The following EDA variants were observed in gnomAD, a reference collection of about 807,000 sequenced individuals.
EDA encodes the protein ectodysplasin A, also known as ectodysplasin-A.
Under a neutral mutation model 23.6 loss-of-function variants are expected in EDA, and 2 were observed. That is an observed-to-expected ratio of 0.08 (90% CI 0.03 to 0.27). EDA has a LOEUF of 0.27. Ranked by LOEUF, EDA falls within the 10% of genes least tolerant of loss-of-function variation. EDA has a pLI of 1.00. For missense variants in EDA, 229 were observed against 324.2 expected, an observed-to-expected ratio of 0.71 and a Z score of 2.26; for synonymous variants, 131 against 132.0, an observed-to-expected ratio of 0.99 and a Z score of 0.05.
At chrX:69,681,463 C>G (rs1319845735) in intron 1 of EDA, among the ~76,000 whole-genome samples, 1 of 111,535 alleles carries the variant, frequency 9.0e-6, no homozygotes. Flanking sequence ...GTACACCAAT[C>G]AGATGTAGAT....
chrX:69,719,129 A>C (rs1274245624), intron 1 of EDA, among the ~76,000 whole-genome samples: 1 of 110,553 alleles, frequency 9.0e-6, no homozygotes, highest in Non-Finnish European at 1.9e-5. Context: ...TGGTTGTAGG[A>C]TCTAGTGATA....
chrX:69,928,256 A>T (rs1389963018), intron 1 of EDA, among the ~76,000 whole-genome samples: 1 of 111,640 alleles, frequency 9.0e-6, no homozygotes. Context: ...GTCAATTCTG[A>T]AAAGACTCTC....
At chrX:69,662,534 A>G (rs1035889301) in intron 1 of EDA, among the ~76,000 whole-genome samples, 13 of 112,380 alleles carry the variant, frequency 1.2e-4, no homozygotes, top group African/African-American at 3.9e-4. Flanking sequence ...TAAATTACCC[A>G]GTCTCAGATA....
At chrX:69,801,176 A>G (rs1413885947) in intron 1 of EDA, among the ~76,000 whole-genome samples, 1 of 111,402 alleles carries the variant, frequency 9.0e-6, no homozygotes, top group Admixed American at 9.6e-5. Context: ...ATGAGTTTGG[A>G]GTAGGGAAAC....
At position 69,978,514 on chromosome X, in the gene EDA, A is replaced by AT. The variant is rs1191983327; in HGVS notation, c.502+21382_502+21383insT. Among the ~76,000 whole-genome samples, 7 of 103,349 alleles carry AT rather than the reference A, an allele frequency of 6.8e-5. No homozygotes were observed. The East Asian group carries it at 2.2e-3, about 32-fold the overall frequency. 89.7% of individuals were successfully genotyped at this position (103,349 alleles called of 115,157 possible). A position where few individuals can be genotyped will look rare whatever the true frequency, so the allele number is the denominator to read the frequency against. On this transcript the variant is annotated intron_variant, in intron 2 of 7. Coordinates refer to ENST00000374552, the MANE Select transcript of EDA (RefSeq NM_001399.5). Reference sequence around the variant, plus strand: ...CCAGAATCTGTCTCAAAAAAAAAAAAAAAAAAGAAAGAAAGAAAAAAAGCA... The same window carrying AT: ...CCAGAATCTGTCTCAAAAAAAAAAAATAAAAAAGAAAGAAAGAAAAAAAGCA...
At chrX:69,665,572 A>T (rs1049098357) in intron 1 of EDA, among the ~76,000 whole-genome samples, 1 of 110,630 alleles carries the variant, frequency 9.0e-6, no homozygotes, top group Non-Finnish European at 1.9e-5. Flanking sequence ...CCCTTTCCCC[A>T]TTGTGTTCTC....
chrX:69,931,380 C>T (rs2018596182), intron 1 of EDA, among the ~76,000 whole-genome samples: 1 of 111,641 alleles, frequency 9.0e-6, no homozygotes, highest in African/African-American at 3.3e-5. Context: ...CAACTCAATA[C>T]TTTTAAATGG....
chrX:69,990,588 G>A (rs1426725530), intron 2 of EDA, among the ~76,000 whole-genome samples: 2 of 110,745 alleles, frequency 1.8e-5, no homozygotes, highest in South Asian at 3.9e-4. Flanking sequence ...CTCCCCACTC[G>A]GCTTTTGTTG....
At chrX:69,622,951 G>A (rs1932238083) in intron 1 of EDA, among the ~76,000 whole-genome samples, 1 of 111,672 alleles carries the variant, frequency 9.0e-6, no homozygotes, top group African/African-American at 3.3e-5. Flanking sequence ...TATAAGGACT[G>A]TCTTTCCCCC....
At chrX:69,854,867 T>C (rs1390359297) in intron 1 of EDA, among the ~76,000 whole-genome samples, 2 of 112,520 alleles carry the variant, frequency 1.8e-5, no homozygotes, top group East Asian at 5.6e-4. Context: ...CTTTAGGTCT[T>C]TGAGGAATCA....
chrX:69,687,220 A>C (rs1246928437), intron 1 of EDA, among the ~76,000 whole-genome samples: 1 of 110,010 alleles, frequency 9.1e-6, no homozygotes, highest in Non-Finnish European at 1.9e-5. Context: ...TATCCTTTGG[A>C]GAAATGTATA....
chrX:70,005,717 G>C (rs2147481680), intron 2 of EDA, among the ~76,000 whole-genome samples: 1 of 110,264 alleles, frequency 9.1e-6, no homozygotes, highest in South Asian at 3.9e-4. Context: ...GGTGGATGTA[G>C]AGCCAGGGCT....
intron 1 of EDA, among the ~76,000 whole-genome samples, chrX:69,661,703 T>G (rs1193176224): frequency 9.0e-6 from 1 of 111,394 alleles, no homozygotes; most frequent in Non-Finnish European, 1.9e-5. Context: ...TCCCTTGGTC[T>G]ATATCTCTGT....
rs1569317439 is a variant in EDA at position 69,749,922 on chromosome X, C to CTTTTTT, written c.396+133240_396+133245dup. ...TTAGAAACTTCCTCTCACTAAGGTT[C>CTTTTTT]TTTTTTTTTTTTTTTTTTTTTTTTT... On this transcript the variant is annotated intron_variant, in intron 1 of 7. Transcript: ENST00000374552. Among the ~76,000 whole-genome samples the CTTTTTT allele has an allele frequency of 6.7e-3, 222 of 33,254 alleles. 59 individuals carry two copies. Among genetic ancestry groups the CTTTTTT allele is most frequent in the African/African-American group, 0.016 (200 of 12,209 alleles). 28.9% of individuals were successfully genotyped at this position (33,254 alleles called of 115,157 possible). A position where few individuals can be genotyped will look rare whatever the true frequency, so the allele number is the denominator to read the frequency against.
intron 2 of EDA, among the ~76,000 whole-genome samples, chrX:70,014,077 C>G: frequency 8.9e-6 from 1 of 112,187 alleles, no homozygotes; most frequent in South Asian, 3.8e-4. Flanking sequence ...CCTTTCAGTC[C>G]CCAAGCTGGG....
chrX:69,679,289 T>G (rs1192869752), intron 1 of EDA, among the ~76,000 whole-genome samples: 3 of 104,323 alleles, frequency 2.9e-5, no homozygotes, highest in Non-Finnish European at 5.9e-5. Flanking sequence ...TTCTCTTTTT[T>G]GGTTGTGTCT....
At chrX:69,803,944 A>G (rs2015754659) in intron 1 of EDA, among the ~76,000 whole-genome samples, 2 of 111,016 alleles carry the variant, frequency 1.8e-5, no homozygotes, top group Non-Finnish European at 3.8e-5. Context: ...TTCACTTAAC[A>G]TAATGTCCTC....
intron 1 of EDA, among the ~76,000 whole-genome samples, chrX:69,757,175 C>G (rs927872768): frequency 1.8e-5 from 2 of 111,632 alleles, no homozygotes; most frequent in African/African-American, 6.5e-5. Context: ...GTCTTCTGGT[C>G]GTTTTGATTT....
At chrX:69,931,528 A>C (rs1050246620) in intron 1 of EDA, among the ~76,000 whole-genome samples, 1 of 111,579 alleles carries the variant, frequency 9.0e-6, no homozygotes, top group Non-Finnish European at 1.9e-5. Flanking sequence ...ACAAATAAAC[A>C]AAAAATTTAA....
Sources: allele counts gnomAD v4.1 joint callset (sites outside exome capture counted in the v4.1 genomes callset), GRCh38; gene constraint gnomAD v4.1.1; transcripts MANE v1.5; gene names NCBI Gene and HGNC (gene_info 2026-07-23, HGNC 2026-07-21).